BEND7: variants seen among roughly 807,000 people sequenced by gnomAD.
BEND7 encodes the protein BEN domain-containing protein 7.
In BEND7, 28 loss-of-function variants were observed where a neutral mutation model predicts 50.9. The ratio of observed to expected loss-of-function variants is 0.55; its 90% CI spans 0.41 to 0.75. BEND7 has a LOEUF of 0.75. BEND7 is among the 30% of genes least tolerant of loss of function. BEND7 has a pLI of 0.00. For missense variants in BEND7, 477 were observed against 491.3 expected (o/e 0.97, Z 0.28); for synonymous variants, 170 against 183.9 (o/e 0.92, Z 0.61).
downstream of BEND7, chr10:13,439,003 A>T: frequency 7.6e-6 from 5 of 658,164 alleles, no homozygotes; most frequent in Non-Finnish European, 1.3e-5. Flanking sequence ...ATATTCATGG[A>T]AACCTCAGGT....
downstream of BEND7, among the ~76,000 whole-genome samples, chr10:13,440,415 C>T (rs558681539): frequency 7.9e-5 from 12 of 152,360 alleles, no homozygotes; most frequent in South Asian, 2.1e-3. Context: ...TGCAACAGCT[C>T]GCCCTGTGGC....
intron 2 of BEND7, chr10:13,502,893 C>T: frequency 1.0e-6 from 1 of 985,722 alleles, no homozygotes; most frequent in Non-Finnish European, 1.2e-6. Context: ...GCTTGCTTCT[C>T]TACACTAACT....
intron 5 of BEND7, among the ~76,000 whole-genome samples, chr10:13,488,628 C>T (rs2076418914): frequency 1.3e-5 from 2 of 152,218 alleles, no homozygotes; most frequent in African/African-American, 4.8e-5. Context: ...GCTGGGATTA[C>T]AGGCATGCGC....
intron 2 of BEND7, among the ~76,000 whole-genome samples, chr10:13,519,875 T>C (rs2078965473): frequency 6.6e-6 from 1 of 152,114 alleles, no homozygotes; most frequent in Admixed American, 6.5e-5. Context: ...GAGGCTAGGA[T>C]GGAGAAGGAG....
At chr10:13,484,531 TA>T (rs944117605) in intron 5 of BEND7, among the ~76,000 whole-genome samples, 14 of 152,350 alleles carry the variant, frequency 9.2e-5, no homozygotes, top group African/African-American at 3.4e-4. Context: ...TCTCTCTGCT[TA>T]CTGATAGCTA....
rs1465499466 is a variant in BEND7 at position 13,496,806 on chromosome 10, T to C, written c.531A>G (p.Gln177=). Reference sequence around the variant, plus strand: ...TTAATTTCCTCATGGTCTTGAGTTCTTGTAGAATGGCCTGCAACGTTGACT... The same window carrying C: ...TTAATTTCCTCATGGTCTTGAGTTCCTGTAGAATGGCCTGCAACGTTGACT... ...NCQSTLQAIL[Q]ELKTMRKLMQ... is the part of the protein sequence containing the mutation. Residue 177 remains glutamine (Q), a synonymous_variant, in exon 4 of 9, where the codon CAA becomes CAG. Transcript: ENST00000466271. 1.2e-6 allele frequency: 2 copies of C among 1,614,056 alleles called. No individual in the cohort carries two copies. Among genetic ancestry groups the C allele is most frequent in the Non-Finnish European group, 8.5e-7 (1 of 1,180,002 alleles).
chr10:13,520,314 C>T (rs1405862066), intron 2 of BEND7, among the ~76,000 whole-genome samples: 1 of 152,104 alleles, frequency 6.6e-6, no homozygotes, highest in Non-Finnish European at 1.5e-5. Context: ...GAGGGGCTTT[C>T]CCAGGCCATA....
intron 2 of BEND7, among the ~76,000 whole-genome samples, chr10:13,504,514 T>C (rs549849008): frequency 5.3e-5 from 8 of 152,002 alleles, no homozygotes; most frequent in African/African-American, 1.4e-4. Context: ...AAAAAAAAAA[T>C]TGGTGAAAAG....
At chr10:13,527,572 C>G (rs867418820) in intron 1 of BEND7, among the ~76,000 whole-genome samples, 4 of 152,118 alleles carry the variant, frequency 2.6e-5, no homozygotes, top group Non-Finnish European at 5.9e-5. Flanking sequence ...GCTTTGACCT[C>G]AACTTGATTA....
At chr10:13,529,452 A>G (rs1002479501), upstream of BEND7, among the ~76,000 whole-genome samples, 4 of 152,152 alleles carry the variant, frequency 2.6e-5, no homozygotes, top group Non-Finnish European at 4.4e-5. Context: ...TCTCTCTAGA[A>G]GGACAGAGAG....
At chr10:13,521,851 A>T (rs1007065744) in intron 2 of BEND7, among the ~76,000 whole-genome samples, 2 of 152,244 alleles carry the variant, frequency 1.3e-5, no homozygotes, top group South Asian at 2.1e-4. Context: ...AGGGAGGAGA[A>T]CGATGTCGTG....
chr10:13,488,875 T>TA (rs2076448942), intron 5 of BEND7, among the ~76,000 whole-genome samples: 1 of 152,220 alleles, frequency 6.6e-6, no homozygotes, highest in African/African-American at 2.4e-5. Flanking sequence ...GTGCTACTTT[T>TA]AAAAGGGTCA....
At chr10:13,504,738 G>A (rs1204005712) in intron 2 of BEND7, among the ~76,000 whole-genome samples, 2 of 152,150 alleles carry the variant, frequency 1.3e-5, no homozygotes, top group Non-Finnish European at 2.9e-5. Flanking sequence ...CAAACACAAA[G>A]GAATCTTACT....
chr10:13,447,048 T>C (rs1371880160), intron 8 of BEND7: 1 of 573,276 alleles, frequency 1.7e-6, no homozygotes, highest in Non-Finnish European at 3.1e-6. Context: ...CTGAGATTTT[T>C]ATGAAAATAA....
In BEND7 at chr10:13,447,329, AACATAAG is replaced by A; in HGVS notation, c.1184-20_1184-14del. ...CTGTCCGCGATCTCTGCTGGTTACA[AACATAAG>A]ACACAAATCTCATTAGTTCCAGGGA... On this transcript the variant is annotated splice_polypyrimidine_tract_variant and intron_variant, in intron 7 of 8. Transcript: ENST00000466271. 1 of 1,614,020 alleles carries A rather than the reference AACATAAG, an allele frequency of 6.2e-7. No homozygotes were observed. The highest frequency in any genetic ancestry group is 8.5e-7 in the Non-Finnish European group (1 of 1,179,930).
intron 2 of BEND7, among the ~76,000 whole-genome samples, chr10:13,515,277 T>G (rs140552570): frequency 0.01 from 1,559 of 152,358 alleles, 12 homozygotes; most frequent in Admixed American, 0.023. Flanking sequence ...TTCGATTTTA[T>G]GGAACTATAA....
intron 2 of BEND7, among the ~76,000 whole-genome samples, chr10:13,524,907 A>C (rs1363322526): frequency 1.3e-5 from 2 of 151,966 alleles, no homozygotes; most frequent in Non-Finnish European, 2.9e-5. Flanking sequence ...TTTCCTCTTA[A>C]AGTATATATT....
chr10:13,469,256 C>G lies in BEND7; in HGVS notation c.1063+11643G>C, dbSNP rs142707023. ...AGAGGTGTCAAAATCTAACCAAGAGCAGGATGCAAGAAACATGACTTGGAA... is the reference window on the plus strand; with the variant it reads ...AGAGGTGTCAAAATCTAACCAAGAGGAGGATGCAAGAAACATGACTTGGAA... On this transcript the variant is annotated intron_variant, in intron 6 of 8. Transcript: ENST00000466271. Among the ~76,000 whole-genome samples the G allele has an allele frequency of 5.1e-4, 78 of 152,242 alleles. 2 individuals are homozygous for G. In the South Asian group the frequency reaches 8.3e-3, roughly 16 times the overall value.
At chr10:13,449,361 T>C (rs911879277) in intron 7 of BEND7, among the ~76,000 whole-genome samples, 1 of 152,174 alleles carries the variant, frequency 6.6e-6, no homozygotes, top group Non-Finnish European at 1.5e-5. Context: ...CACGGGGCAC[T>C]TGACATGCAG....
Sources: allele counts gnomAD v4.1 joint callset (sites outside exome capture counted in the v4.1 genomes callset), GRCh38; gene constraint gnomAD v4.1.1; transcripts MANE v1.5; gene names NCBI Gene and HGNC (gene_info 2026-07-23, HGNC 2026-07-21).